CASP10: variants seen among roughly 807,000 people sequenced by gnomAD.
CASP10 encodes caspase 10.
In CASP10, 41 loss-of-function variants were observed where a neutral mutation model predicts 48.5. That is an observed-to-expected ratio of 0.85 (90% CI 0.66 to 1.10). The LOEUF is 1.10. CASP10 is among the 50% of genes least tolerant of loss of function. The pLI, the probability that CASP10 is intolerant of heterozygous loss-of-function variation, is 0.00. For synonymous variants in CASP10, 232 were observed against 238.4 expected (o/e 0.97, Z 0.25); for missense variants, 614 against 614.5 (o/e 1.00, Z 0.01).
intron 4 of CASP10, among the ~76,000 whole-genome samples, chr2:201,193,601 A>G (rs1355954745): frequency 6.6e-6 from 1 of 152,210 alleles, no homozygotes; most frequent in East Asian, 1.9e-4. Flanking sequence ...GGTTGAGTTC[A>G]TATTTTGTAC....
intron 5 of CASP10, among the ~76,000 whole-genome samples, chr2:201,197,906 AT>A (rs2126026798): frequency 6.6e-6 from 1 of 152,242 alleles, no homozygotes; most frequent in South Asian, 2.1e-4. Flanking sequence ...TAGTCATTCT[AT>A]TTTCAATTTT....
chr2:201,186,256 C>T, intron 2 of CASP10, 132 bp downstream of exon 2: 1 of 717,788 alleles, frequency 1.4e-6, no homozygotes, highest in Non-Finnish European at 2.5e-6. Context: ...CCAGGAGATT[C>T]TAAACCTCCT....
At chr2:201,214,905 G>A (rs1007243147) in intron 9 of CASP10, 1 of 152,092 alleles carries the variant, frequency 6.6e-6, no homozygotes, top group African/African-American at 2.4e-5. Context: ...ACCCCCAGAA[G>A]TGATATGATA....
intron 3 of CASP10, among the ~76,000 whole-genome samples, chr2:201,191,730 T>C (rs1944617619): frequency 1.3e-5 from 2 of 152,216 alleles, no homozygotes; most frequent in African/African-American, 4.8e-5. Context: ...AGGGGCATTC[T>C]GGGCTTTGTC....
intron 2 of CASP10, 75 bp downstream of exon 2, chr2:201,186,199 A>G: frequency 1.8e-6 from 2 of 1,100,630 alleles, no homozygotes; most frequent in Non-Finnish European, 2.8e-6. Context: ...CTTTGAAAGG[A>G]AGCTGCAGTT....
intron 3 of CASP10, among the ~76,000 whole-genome samples, chr2:201,189,090 TG>T (rs1275099443): frequency 6.6e-6 from 1 of 151,980 alleles, no homozygotes; most frequent in African/African-American, 2.4e-5. Context: ...TAGGCTGGTC[TG>T]GAACTCCTGA....
At chr2:201,228,897 C>T in intron 9 of CASP10, 1 of 1,608,518 alleles carries the variant, frequency 6.2e-7, no homozygotes, top group Non-Finnish European at 8.5e-7. Flanking sequence ...ACCACTCAGT[C>T]AAAGTTCCCC....
downstream of CASP10, among the ~76,000 whole-genome samples, chr2:201,225,893 C>T (rs13019444): frequency 0.36 from 54,237 of 151,848 alleles, 11,567 homozygotes; most frequent in Non-Finnish European, 0.48. Flanking sequence ...TTGACTCTGG[C>T]AGGTGGAGGT....
In CASP10 at chr2:201,218,526, T is replaced by C; in HGVS notation, c.*785T>C. 2.3e-6 allele frequency: 2 copies of C among 886,718 alleles called. No individual in the cohort carries two copies. The highest frequency in any genetic ancestry group is 2.7e-6 in the Non-Finnish European group (2 of 740,214). The allele number at this position is 886,718 out of a possible 1,614,324, so 54.9% of individuals were successfully genotyped here. A position where few individuals can be genotyped will look rare whatever the true frequency, so the allele number is the denominator to read the frequency against. ...TATGTTGCCTAAGCTGGTCTCAAAC[T>C]CCTGGGCTCAAGCGATCCTCCCACC... On this transcript the variant is annotated 3_prime_UTR_variant, in exon 10 of 10. Coordinates refer to ENST00000286186, the MANE Select transcript of CASP10 (RefSeq NM_032977.4).
chr2:201,188,517 A>G (rs1944493918), intron 3 of CASP10, among the ~76,000 whole-genome samples: 1 of 152,082 alleles, frequency 6.6e-6, no homozygotes. Context: ...TTTAATCTGT[A>G]GGTTAGATTT....
At position 201,221,372 on chromosome 2, in the gene CASP10, C is replaced by T; in HGVS notation, c.*3631C>T. 3.0e-6 allele frequency: 2 copies of T among 668,360 alleles called. No homozygotes were observed. Among genetic ancestry groups the T allele is most frequent in the Non-Finnish European group, 3.7e-6 (2 of 540,470 alleles). The allele number at this position is 668,360 out of a possible 1,614,324, so 41.4% of individuals were successfully genotyped here. A position where few individuals can be genotyped will look rare whatever the true frequency, so the allele number is the denominator to read the frequency against. On this transcript the variant is annotated 3_prime_UTR_variant, in exon 10 of 10. Transcript: ENST00000286186. ...ACCTGCACATATATATCCAGATGGC[C>T]TGAAGTAACTGAAGAATCACAAAAG...
chr2:201,199,261 C>T (rs1178487540), intron 5 of CASP10, among the ~76,000 whole-genome samples: 1 of 152,150 alleles, frequency 6.6e-6, no homozygotes, highest in African/African-American at 2.4e-5. Context: ...TTTATCAAAT[C>T]AATGGTCCAT....
chr2:201,196,468 A>T (rs751194666), intron 5 of CASP10, among the ~76,000 whole-genome samples: 1 of 152,144 alleles, frequency 6.6e-6, no homozygotes, highest in Non-Finnish European at 1.5e-5. Flanking sequence ...CTCAGCTCTG[A>T]AAGGATGGGT....
At chr2:201,224,427 G>T (rs1008197603), downstream of CASP10, among the ~76,000 whole-genome samples, 1 of 152,076 alleles carries the variant, frequency 6.6e-6, no homozygotes, top group African/African-American at 2.4e-5. Context: ...TTTATGAAAA[G>T]ATTTTTAAAT....
At chr2:201,190,314 A>C (rs1240942795) in intron 3 of CASP10, among the ~76,000 whole-genome samples, 1 of 152,152 alleles carries the variant, frequency 6.6e-6, no homozygotes, top group Non-Finnish European at 1.5e-5. Flanking sequence ...ACACATGCAC[A>C]CACACACATG....
chr2:201,225,738 G>A (rs1576157298), downstream of CASP10, among the ~76,000 whole-genome samples: 1 of 152,192 alleles, frequency 6.6e-6, no homozygotes, highest in Admixed American at 6.5e-5. Context: ...TTGGGAGGCC[G>A]AGGCAGGCGG....
intron 5 of CASP10, among the ~76,000 whole-genome samples, chr2:201,201,155 T>C (rs1330182616): frequency 1.3e-5 from 2 of 152,068 alleles, no homozygotes; most frequent in African/African-American, 4.8e-5. Context: ...GTTCAAATGA[T>C]TCTCATGCCT....
At chr2:201,201,473 AACACAC>A (rs41484150) in intron 5 of CASP10, among the ~76,000 whole-genome samples, 3 of 149,636 alleles carry the variant, frequency 2.0e-5, no homozygotes, top group Non-Finnish European at 4.5e-5. Flanking sequence ...TGCATGTAGA[AACACAC>A]ACACACACAC....
chr2:201,222,750 T>C (rs1315229042), downstream of CASP10, among the ~76,000 whole-genome samples: 2 of 152,250 alleles, frequency 1.3e-5, no homozygotes, highest in East Asian at 3.9e-4. Flanking sequence ...GTAAAACATA[T>C]AAGCATCTGG....
Sources: allele counts gnomAD v4.1 joint callset (sites outside exome capture counted in the v4.1 genomes callset), GRCh38; gene constraint gnomAD v4.1.1; transcripts MANE v1.5; gene names NCBI Gene and HGNC (gene_info 2026-07-23, HGNC 2026-07-21).